Variants in DOK5 observed in about 807,000 individuals in gnomAD.
The protein encoded by DOK5 is docking protein 5.
DOK5 carries 27 observed loss-of-function variants against 43.3 expected under a neutral mutation model. The ratio of observed to expected loss-of-function variants is 0.62; its 90% CI spans 0.46 to 0.86. The LOEUF (loss-of-function observed/expected upper bound fraction) is 0.86. Among genes scored for constraint, DOK5 ranks in the 40% least tolerant of loss-of-function variants. DOK5 has a pLI of 0.00. For synonymous variants in DOK5, 146 were observed against 140.1 expected (o/e 1.04, Z -0.30); for missense variants, 373 against 392.9 (o/e 0.95, Z 0.43).
intron 1 of DOK5, chr20:54,494,746 C>T (rs1026118915): frequency 2.0e-5 from 3 of 149,130 alleles, no homozygotes; most frequent in African/African-American, 7.4e-5. Flanking sequence ...TCTTTGAAGC[C>T]CTTGCTGAGA....
At chr20:54,601,699 A>G (rs960376079) in intron 5 of DOK5, among the ~76,000 whole-genome samples, 2 of 152,216 alleles carry the variant, frequency 1.3e-5, no homozygotes, top group Admixed American at 1.3e-4. Context: ...GGAGGGCCAC[A>G]GTGTGGCCCT....
intron 1 of DOK5, among the ~76,000 whole-genome samples, chr20:54,510,869 G>A (rs1356596525): frequency 6.6e-6 from 1 of 152,138 alleles, no homozygotes; most frequent in Non-Finnish European, 1.5e-5. Flanking sequence ...TCATTAAAAT[G>A]GGAATGAGCC....
chr20:54,538,279 G>T (rs1364964536), intron 1 of DOK5, among the ~76,000 whole-genome samples: 1 of 151,554 alleles, frequency 6.6e-6, no homozygotes, highest in Admixed American at 6.6e-5. Flanking sequence ...TAAACTCAAT[G>T]AAATAATGGC....
intron 7 of DOK5, among the ~76,000 whole-genome samples, chr20:54,645,875 G>A (rs1008522246): frequency 1.2e-4 from 16 of 135,192 alleles, no homozygotes; most frequent in Admixed American, 2.5e-4. Context: ...TAGTTTTCAT[G>A]ACTCTGTGCT....
chr20:54,609,889 T>G (rs1411799890), intron 5 of DOK5, among the ~76,000 whole-genome samples: 1 of 152,236 alleles, frequency 6.6e-6, no homozygotes, highest in Non-Finnish European at 1.5e-5. Flanking sequence ...GGAGTAATAT[T>G]TGATCTAGGA....
chr20:54,637,858 C>A (rs977534128), intron 6 of DOK5, among the ~76,000 whole-genome samples: 2 of 152,180 alleles, frequency 1.3e-5, no homozygotes, highest in South Asian at 4.1e-4. Context: ...CGCGGTGGCT[C>A]ACGCCTGTAA....
intron 6 of DOK5, among the ~76,000 whole-genome samples, chr20:54,622,106 A>G (rs1600744057): frequency 6.6e-6 from 1 of 152,090 alleles, no homozygotes. Context: ...AGGCAGGAGT[A>G]TCGCTTGAAC....
In DOK5 at chr20:54,607,691, C is replaced by T. The variant is rs147479958; in HGVS notation, c.600-2697C>T. Among the ~76,000 whole-genome samples the T allele has an allele frequency of 6.4e-4, 97 of 151,452 alleles. No homozygotes were observed. In the East Asian group the frequency reaches 0.016, roughly 25 times the overall value. On this transcript the variant is annotated intron_variant, in intron 5 of 7. Coordinates refer to ENST00000262593, the MANE Select transcript of DOK5 (RefSeq NM_018431.5). Reference sequence around the variant, plus strand: ...CACGAGGTCAGGAGTTCGAGACCAGCGGCCAAAATGGTGAAACCCCACCTC... The same window carrying T: ...CACGAGGTCAGGAGTTCGAGACCAGTGGCCAAAATGGTGAAACCCCACCTC...
intron 2 of DOK5, among the ~76,000 whole-genome samples, chr20:54,564,515 G>T (rs78537853): frequency 0.044 from 6,738 of 152,272 alleles, 170 homozygotes; most frequent in East Asian, 0.097. Flanking sequence ...GGACAAATTT[G>T]TGTCTATGCC....
intron 2 of DOK5, among the ~76,000 whole-genome samples, chr20:54,563,346 A>C (rs1984976987): frequency 6.6e-6 from 1 of 152,172 alleles, no homozygotes; most frequent in Non-Finnish European, 1.5e-5. Context: ...TTGCCTCTGT[A>C]ACTCTCAATG....
chr20:54,612,289 C>A (rs371358402), intron 6 of DOK5, among the ~76,000 whole-genome samples: 4 of 152,272 alleles, frequency 2.6e-5, no homozygotes, highest in African/African-American at 9.6e-5. Context: ...CTGACGTAAG[C>A]ATTTGCGAGA....
chr20:54,611,837 G>A (rs1263178414), intron 6 of DOK5, among the ~76,000 whole-genome samples: 1 of 152,218 alleles, frequency 6.6e-6, no homozygotes, highest in African/African-American at 2.4e-5. Flanking sequence ...TGCCAGTAAT[G>A]TGATCTGTTC....
intron 1 of DOK5, among the ~76,000 whole-genome samples, chr20:54,537,117 G>A (rs1428394539): frequency 2.0e-5 from 3 of 152,214 alleles, no homozygotes; most frequent in South Asian, 4.1e-4. Flanking sequence ...ATAATGCGGG[G>A]GCCTGTCAAG....
At chr20:54,476,855 C>T (rs1161149557) in intron 1 of DOK5, among the ~76,000 whole-genome samples, 1 of 152,160 alleles carries the variant, frequency 6.6e-6, no homozygotes, top group African/African-American at 2.4e-5. Context: ...AGAGAACCTA[C>T]CCTTCCTCTC....
Position 54,588,539 on chromosome 20 carries a change from A to G in DOK5, c.231A>G (p.Lys77=), listed in dbSNP as rs375189662. Residue 77 remains lysine (K), a synonymous_variant, in exon 3 of 8, where the codon AAA becomes AAG. Transcript: ENST00000262593. ...NVARLPKSTK[K]HAIGIYFNDD... ...CTCGATTGCCAAAAAGCACCAAGAA[A>G]CATGCCATAGGGATTTATTTCAATG... The G allele has an allele frequency of 6.2e-7, 1 of 1,614,052 alleles. No homozygotes were observed. The highest frequency in any genetic ancestry group is 8.5e-7 in the Non-Finnish European group (1 of 1,180,012).
chr20:54,498,647 G>A (rs892772160), intron 1 of DOK5, among the ~76,000 whole-genome samples: 4 of 152,084 alleles, frequency 2.6e-5, no homozygotes, highest in Middle Eastern at 3.2e-3. Flanking sequence ...TTGCTGTTAC[G>A]TAGCAAAATT....
chr20:54,591,056 A>G (rs771188403), intron 4 of DOK5, among the ~76,000 whole-genome samples: 1 of 152,236 alleles, frequency 6.6e-6, no homozygotes, highest in Non-Finnish European at 1.5e-5. Flanking sequence ...ACTAGTTCAA[A>G]TATATGCATT....
intron 1 of DOK5, among the ~76,000 whole-genome samples, chr20:54,490,741 C>G (rs1017671129): frequency 6.6e-6 from 1 of 152,190 alleles, no homozygotes. Flanking sequence ...AGGCGCATGC[C>G]ACCACGCCCA....
chr20:54,499,869 T>C (rs904253438), intron 1 of DOK5, among the ~76,000 whole-genome samples: 1 of 152,222 alleles, frequency 6.6e-6, no homozygotes, highest in South Asian at 2.1e-4. Flanking sequence ...CACAATTCAC[T>C]GAAGATTGCT....
Sources: allele counts gnomAD v4.1 joint callset (sites outside exome capture counted in the v4.1 genomes callset), GRCh38; gene constraint gnomAD v4.1.1; transcripts MANE v1.5; gene names NCBI Gene and HGNC (gene_info 2026-07-23, HGNC 2026-07-21).